The following GOLGA4 variants were observed in gnomAD, a reference collection of about 807,000 sequenced individuals.
GOLGA4 encodes the protein golgin subfamily A member 4.
In GOLGA4, 169 loss-of-function variants were observed where a neutral mutation model predicts 265.9. That is an observed-to-expected ratio of 0.64 (90% CI 0.56 to 0.72). The LOEUF is 0.72. GOLGA4 is among the 30% of genes least tolerant of loss of function. The pLI is 0.00. For missense variants in GOLGA4, 2,482 were observed against 2,483.4 expected (o/e 1.00, Z 0.01); for synonymous variants, 923 against 855.8 (o/e 1.08, Z -1.37).
intron 2 of GOLGA4, chr3:37,275,891 A>G: frequency 2.5e-6 from 4 of 1,613,796 alleles, no homozygotes; most frequent in Non-Finnish European, 3.4e-6. Context: ...ATCTTTGGCA[A>G]AGTCTCTCAT....
chr3:37,347,342 G>T, intron 21 of GOLGA4, 46 bp downstream of exon 21: 1 of 1,084,328 alleles, frequency 9.2e-7, no homozygotes, highest in Non-Finnish European at 1.4e-6. Flanking sequence ...AATTTTAAAA[G>T]AAATATGTTC....
intron 4 of GOLGA4, chr3:37,287,518 GT>G (rs1406244723): frequency 6.6e-6 from 1 of 152,206 alleles, no homozygotes; most frequent in Non-Finnish European, 1.5e-5. Flanking sequence ...AGCTCCTACT[GT>G]GTGCCAGGCA....
In GOLGA4 at chr3:37,321,881, A is replaced by C; in HGVS notation, c.1696A>C (p.Arg566=). 6.3e-7 allele frequency: 1 copy of C among 1,587,492 alleles called. No individual in the cohort carries two copies. The highest frequency in any genetic ancestry group is 8.5e-7 in the Non-Finnish European group (1 of 1,172,444). ...RDLQQEAETY[R]TRILELESSL... is the part of the protein sequence containing the mutation. Reference sequence around the variant, plus strand: ...CCTTCAGCAAGAAGCAGAGACTTACAGAACTGTAAGTTTTAATAATATTCA... The same window carrying C: ...CCTTCAGCAAGAAGCAGAGACTTACCGAACTGTAAGTTTTAATAATATTCA... The change falls in exon 13 of 24, where the codon AGA becomes CGA. Residue 566 remains arginine, a synonymous_variant. Transcript: ENST00000361924.
chr3:37,266,519 A>C (rs2096784197), intron 2 of GOLGA4, among the ~76,000 whole-genome samples: 1 of 152,054 alleles, frequency 6.6e-6, no homozygotes, highest in African/African-American at 2.4e-5. Flanking sequence ...GTTAATTGGT[A>C]TTGATTTTTA....
chr3:37,308,315 T>C (rs983040615), intron 10 of GOLGA4, among the ~76,000 whole-genome samples: 2 of 151,774 alleles, frequency 1.3e-5, no homozygotes, highest in Non-Finnish European at 2.9e-5. Context: ...AGTCAGTTTA[T>C]AGAATGAATC....
chr3:37,316,984 A>G (rs1046091000), intron 11 of GOLGA4, among the ~76,000 whole-genome samples: 1 of 152,072 alleles, frequency 6.6e-6, no homozygotes, highest in Admixed American at 6.5e-5. Context: ...TTGCTTTTCC[A>G]CTTAATAATC....
intron 21 of GOLGA4, among the ~76,000 whole-genome samples, chr3:37,351,286 T>C (rs913878105): frequency 6.6e-6 from 1 of 152,160 alleles, no homozygotes; most frequent in Non-Finnish European, 1.5e-5. Flanking sequence ...ATTGCAGCAA[T>C]CCAGTCATGT....
chr3:37,304,957 A>T (rs1487886430), intron 10 of GOLGA4, among the ~76,000 whole-genome samples: 1 of 152,080 alleles, frequency 6.6e-6, no homozygotes, highest in Non-Finnish European at 1.5e-5. Context: ...TTAAGATTTA[A>T]ATTATTATTA....
intron 13 of GOLGA4, 58 bp downstream of exon 13, chr3:37,321,944 T>G: frequency 7.1e-7 from 1 of 1,399,422 alleles, no homozygotes; most frequent in East Asian, 2.3e-5. Context: ...TATGAAAATT[T>G]GTTGTCTCTA....
chr3:37,328,451 C>T lies in GOLGA4; in HGVS notation c.5975C>T (p.Ser1992Phe). 6.2e-7 allele frequency: 1 copy of T among 1,612,876 alleles called. No individual in the cohort carries two copies. Among genetic ancestry groups the T allele is most frequent in the Non-Finnish European group, 8.5e-7 (1 of 1,179,050 alleles). ...EQEDLELKHNSTLKQLMREFN... is the reference protein window; with the variant it reads ...EQEDLELKHNFTLKQLMREFN... ...GAAGATCTTGAACTGAAGCACAATT[C>T]CACATTAAAACAGCTGATGAGGGAG... The change falls in exon 15 of 24, where the codon TCC becomes TTC. Residue 1992 changes from serine (S) to phenylalanine (F), a missense_variant. Around this residue, in one of 3 missense-constraint regions of GOLGA4, gnomAD observed 942 missense variants for 983.1 expected, o/e 0.96. Coordinates refer to ENST00000361924, the MANE Select transcript of GOLGA4 (RefSeq NM_002078.5).
Position 37,302,201 on chromosome 3 carries a change from A to C in GOLGA4, c.1103A>C (p.Glu368Ala), listed in dbSNP as rs758383930. The C allele has an allele frequency of 5.0e-6, 8 of 1,613,546 alleles. No individual in the cohort carries two copies. The Admixed American group carries it at 1.3e-4, about 27-fold the overall frequency. Residue 368 changes from glutamate to alanine, a missense_variant, in exon 10 of 24, where the codon GAG becomes GCG. Physicochemically the swap from Glu to Ala is moderately radical, Grantham distance 107. This residue lies in a region of GOLGA4 where 1,536 missense variants were observed against 1,483.7 expected (regional missense o/e 1.04). Transcript: ENST00000361924. ...LEQDKGMVIA[E>A]TKRQMHETLE... ...TCTATTCAGGGAATGGTAATCGCAG[A>C]GACAAAACGTCAGATGCATGAAACC...
intron 2 of GOLGA4, among the ~76,000 whole-genome samples, chr3:37,261,823 G>A (rs76868017): frequency 2.6e-5 from 4 of 152,038 alleles, no homozygotes; most frequent in African/African-American, 9.7e-5. Context: ...ATCGAATCCA[G>A]CCTCACATTA....
chr3:37,282,165 G>A lies in GOLGA4; in HGVS notation c.370G>A (p.Ala124Thr), dbSNP rs2096836548. The A allele has an allele frequency of 1.2e-6, 2 of 1,614,140 alleles. No homozygotes were observed. The change falls in exon 3 of 24, where the codon GCT (alanine) becomes ACT (threonine). Residue 124 changes from alanine (A) to threonine (T), a missense_variant. By Grantham distance (58) the Ala-to-Thr change is moderately conservative (BLOSUM62 0). Around this residue, in one of 3 missense-constraint regions of GOLGA4, gnomAD observed 1,536 missense variants for 1,483.7 expected, o/e 1.04. Coordinates refer to ENST00000361924, the MANE Select transcript of GOLGA4 (RefSeq NM_002078.5). Reference protein sequence around the residue: ...FDPPSDMDSEAEDLVGNSDSL... With the variant: ...FDPPSDMDSETEDLVGNSDSL... ...TCCACCCTCTGATATGGATAGCGAG[G>A]CTGAAGACTTGGTAGGGAATTCAGA...
intron 10 of GOLGA4, among the ~76,000 whole-genome samples, chr3:37,310,544 A>G (rs1448279412): frequency 6.6e-6 from 1 of 152,156 alleles, no homozygotes. Context: ...AACCTTTCTC[A>G]TTTAACCCTT....
chr3:37,290,528 C>T (rs543074029), intron 5 of GOLGA4, among the ~76,000 whole-genome samples: 2 of 152,034 alleles, frequency 1.3e-5, no homozygotes, highest in Non-Finnish European at 2.9e-5. Context: ...CTTTGAAAAC[C>T]AGGCTAATTT....
intron 19 of GOLGA4, among the ~76,000 whole-genome samples, chr3:37,339,791 T>C (rs933955035): frequency 1.3e-5 from 2 of 152,230 alleles, no homozygotes; most frequent in Non-Finnish European, 2.9e-5. Flanking sequence ...TTATCAGATA[T>C]TTGATTTGCA....
intron 20 of GOLGA4, among the ~76,000 whole-genome samples, chr3:37,343,175 G>A (rs750612066): frequency 1.3e-5 from 2 of 152,152 alleles, no homozygotes; most frequent in South Asian, 2.1e-4. Flanking sequence ...ATGCTGGAGC[G>A]CAATGGCGCG....
At chr3:37,319,039 A>G (rs770887442) in intron 11 of GOLGA4, 24 bp from the exon 12 acceptor site, 2 of 1,536,672 alleles carry the variant, frequency 1.3e-6, no homozygotes, top group Non-Finnish European at 1.8e-6. Flanking sequence ...GTGTCCTTAT[A>G]TTATCTATTT....
At chr3:37,251,322 A>G in intron 1 of GOLGA4, 73 bp from the exon 2 acceptor site, 1 of 880,628 alleles carries the variant, frequency 1.1e-6, no homozygotes, top group Non-Finnish European at 1.9e-6. Flanking sequence ...ATGGACTGAG[A>G]GAAGGACTAC....
Sources: allele counts gnomAD v4.1 joint callset (sites outside exome capture counted in the v4.1 genomes callset), GRCh38; gene constraint gnomAD v4.1.1; regional missense constraint gnomAD v4.1.1; transcripts MANE v1.5; gene names NCBI Gene and HGNC (gene_info 2026-07-23, HGNC 2026-07-21).